The following MAST4 variants were observed in gnomAD, a reference collection of about 807,000 sequenced individuals.
MAST4 encodes microtubule associated serine/threonine kinase family member 4, also known as microtubule-associated serine/threonine-protein kinase 4.
In MAST4, 89 loss-of-function variants were observed where a neutral mutation model predicts 162.7. The observed-to-expected ratio is 0.55, with a 90% confidence interval of 0.46 to 0.65. MAST4 has a LOEUF of 0.65. Ranked by LOEUF, MAST4 falls within the 30% of genes least tolerant of loss-of-function variation. The pLI, the probability that MAST4 is intolerant of heterozygous loss-of-function variation, is 0.00. For synonymous variants in MAST4, 1,479 were observed against 1,361.1 expected, an observed-to-expected ratio of 1.09 and a Z score of -1.91; for missense variants, 3,153 against 3,374.0, an observed-to-expected ratio of 0.93 and a Z score of 1.62.
At position 67,152,708 on chromosome 5, in the gene MAST4, C is replaced by T; in HGVS notation, c.3367C>T (p.Arg1123Ter). The change falls in exon 25 of 29, where the codon CGA becomes TGA. Residue 1123 changes from arginine to a stop codon, truncating the protein, a stop_gained. Transcript: ENST00000403625. LOFTEE classifies it high-confidence loss of function. ...CCTGTCCTCGGACCCTTCTTCTTCA[C>T]GAGATTCCTCTCCCAGCCGAGATTC... ...HSLSSDPSSS[R>*]DSSPSRDSSA... is the part of the protein sequence containing the mutation. The T allele has an allele frequency of 1.2e-6, 2 of 1,614,060 alleles. No homozygotes were observed. Among genetic ancestry groups the T allele is most frequent in the Non-Finnish European group, 8.5e-7 (1 of 1,179,894 alleles).
chr5:67,119,040 T>A (rs1043032377), intron 13 of MAST4, among the ~76,000 whole-genome samples: 1 of 152,220 alleles, frequency 6.6e-6, no homozygotes. Flanking sequence ...AGACACAGGC[T>A]ACATCAGAGG....
intron 3 of MAST4, among the ~76,000 whole-genome samples, chr5:66,835,935 C>A (rs543464727): frequency 1.1e-4 from 16 of 151,910 alleles, no homozygotes; most frequent in Admixed American, 2.6e-4. Flanking sequence ...TTTGGGAGGC[C>A]GAGGTGGGCG....
intron 1 of MAST4, chr5:66,662,571 A>T (rs1273082268): frequency 6.6e-6 from 1 of 152,244 alleles, no homozygotes; most frequent in East Asian, 1.9e-4. Flanking sequence ...TGGGCAATCC[A>T]CAAACACAGT....
intron 1 of MAST4, among the ~76,000 whole-genome samples, chr5:66,645,161 C>T (rs1459914123): frequency 1.3e-5 from 2 of 152,086 alleles, no homozygotes; most frequent in East Asian, 3.9e-4. Flanking sequence ...AAGATTAGAA[C>T]CACTCTAAAC....
chr5:67,062,426 G>A (rs1169774965), intron 5 of MAST4, among the ~76,000 whole-genome samples: 2 of 152,088 alleles, frequency 1.3e-5, no homozygotes, highest in East Asian at 3.9e-4. Context: ...TGGAGACATG[G>A]CCCTGAGTGA....
intron 4 of MAST4, among the ~76,000 whole-genome samples, chr5:66,905,060 C>T (rs891340875): frequency 2.6e-5 from 4 of 152,112 alleles, no homozygotes; most frequent in African/African-American, 9.7e-5. Context: ...AATCCTAGCA[C>T]TTTGGGAGGC....
rs376918890 is a variant in MAST4, at chr5:67,165,483, A to C, written c.6304A>C (p.Ser2102Arg). The C allele has an allele frequency of 2.7e-4, 430 of 1,613,846 alleles. No homozygotes were observed. The highest frequency in any genetic ancestry group is 3.5e-4 in the Non-Finnish European group (414 of 1,179,898). ...LQPPGIESEK[S>R]EKLSSFPSLQ... ...GCCACCTGGAATTGAGAGTGAGAAG[A>C]GTGAAAAGCTCTCCAGTTTCCCATC... is the stretch of plus-strand genomic sequence containing the variant. Residue 2102 changes from serine (S) to arginine (R), a missense_variant, in exon 29 of 29, where the codon AGT (serine) becomes CGT (arginine). Physicochemically the swap from Ser to Arg is moderately radical, Grantham distance 110. Around this residue, in one of 7 missense-constraint regions of MAST4, gnomAD observed 1,644 missense variants for 1,495.0 expected, o/e 1.10. Coordinates refer to ENST00000403625, the MANE Select transcript of MAST4 (RefSeq NM_001164664.2).
At chr5:67,024,361 A>T (rs1054344819) in intron 4 of MAST4, among the ~76,000 whole-genome samples, 1 of 149,900 alleles carries the variant, frequency 6.7e-6, no homozygotes, top group Non-Finnish European at 1.5e-5. Flanking sequence ...ACATACATAT[A>T]GATAGCTATA....
chr5:67,130,549 T>C (rs1768831186), intron 15 of MAST4, 131 bp downstream of exon 15: 1 of 822,534 alleles, frequency 1.2e-6, no homozygotes, highest in African/African-American at 1.7e-5. Context: ...ATGAAATGGC[T>C]GTATTCCCAG....
chr5:67,164,329 G>A lies in MAST4; in HGVS notation c.5150G>A (p.Cys1717Tyr). ...AAGATGACAGCTGGCTCCCACGAAT[G>A]CCTGCCAGGGAACCCAGTCCGACCC... is the stretch of plus-strand genomic sequence containing the variant. ...KPKMTAGSHE[C>Y]LPGNPVRPTG... Residue 1717 changes from cysteine (C) to tyrosine (Y), a missense_variant, in exon 29 of 29, where the codon TGC becomes TAC. Transcript: ENST00000403625. The surrounding 1 kb of genome is among the most constrained non-coding windows in gnomAD (Gnocchi z 5.3). 6.2e-7 allele frequency: 1 copy of A among 1,613,936 alleles called. No individual in the cohort carries two copies. The highest frequency in any genetic ancestry group is 8.5e-7 in the Non-Finnish European group (1 of 1,179,872).
intron 4 of MAST4, among the ~76,000 whole-genome samples, chr5:66,944,972 C>T (rs1266481545): frequency 6.6e-6 from 1 of 152,140 alleles, no homozygotes; most frequent in African/African-American, 2.4e-5. Flanking sequence ...GGAGTCATAT[C>T]CCATCCTTTC....
intron 1 of MAST4, among the ~76,000 whole-genome samples, chr5:66,757,557 A>T (rs969862933): frequency 3.3e-5 from 5 of 152,210 alleles, no homozygotes; most frequent in Admixed American, 2.0e-4. Context: ...GACACCTTAT[A>T]AGACTACATA....
chr5:67,000,343 T>C (rs986159298), intron 4 of MAST4, among the ~76,000 whole-genome samples: 11 of 152,242 alleles, frequency 7.2e-5, no homozygotes, highest in African/African-American at 2.7e-4. Context: ...CTTTGCAGAC[T>C]TCACATCCAC....
chr5:66,814,049 G>GA (rs999159122), intron 3 of MAST4, among the ~76,000 whole-genome samples: 1 of 152,140 alleles, frequency 6.6e-6, no homozygotes, highest in African/African-American at 2.4e-5. Flanking sequence ...TGATCCGGGG[G>GA]ACCTGTGTGG....
At chr5:66,996,562 G>A (rs552553653) in intron 4 of MAST4, among the ~76,000 whole-genome samples, 2 of 152,154 alleles carry the variant, frequency 1.3e-5, no homozygotes, top group African/African-American at 4.8e-5. Flanking sequence ...ATTTCTGTGC[G>A]CTGAAATCAA....
Position 66,715,532 on chromosome 5 carries a change from A to AG in MAST4, c.364-44171dup, listed in dbSNP as rs1229092436. Among the ~76,000 whole-genome samples the AG allele has an allele frequency of 8.5e-3, 392 of 45,900 alleles. 2 individuals carry two copies. Among genetic ancestry groups the AG allele is most frequent in the Admixed American group, 0.032 (98 of 3,094 alleles). The allele number at this position is 45,900 out of a possible 152,430, so 30.1% of individuals were successfully genotyped here. A position where few individuals can be genotyped will look rare whatever the true frequency, so the allele number is the denominator to read the frequency against. ...CCGGGGACTGTTGTGGGGTGGGGGG[A>AG]GGGGGGAGGTATAGCATTAGGAGAT... On this transcript the variant is annotated intron_variant, in intron 1 of 28. Coordinates refer to ENST00000403625, the MANE Select transcript of MAST4 (RefSeq NM_001164664.2).
intron 1 of MAST4, among the ~76,000 whole-genome samples, chr5:66,608,054 A>G (rs991734326): frequency 1.0e-4 from 15 of 145,448 alleles, no homozygotes; most frequent in Admixed American, 2.2e-4. Context: ...TCACATGCTT[A>G]CTTTTTTTTT....
chr5:66,774,757 A>G (rs1561321922), intron 2 of MAST4, among the ~76,000 whole-genome samples: 1 of 152,226 alleles, frequency 6.6e-6, no homozygotes, highest in Admixed American at 6.5e-5. Context: ...CAGATAAGCA[A>G]CTAATAATAT....
chr5:66,842,076 C>T (rs1000742663), intron 3 of MAST4, among the ~76,000 whole-genome samples: 3 of 152,152 alleles, frequency 2.0e-5, no homozygotes, highest in Admixed American at 6.5e-5. Flanking sequence ...TCAAATAGTA[C>T]TTGTGTGTTT....
Sources: allele counts gnomAD v4.1 joint callset (sites outside exome capture counted in the v4.1 genomes callset), GRCh38; gene constraint gnomAD v4.1.1; regional missense constraint gnomAD v4.1.1; non-coding constraint Gnocchi (gnomAD v3.1); transcripts MANE v1.5; gene names NCBI Gene and HGNC (gene_info 2026-07-23, HGNC 2026-07-21).